Variants in RANBP3 observed in about 807,000 individuals in gnomAD.
RANBP3 encodes the protein RAN binding protein 3.
RANBP3 carries 14 observed loss-of-function variants against 77.3 expected under a neutral mutation model. The ratio of observed to expected loss-of-function variants is 0.18; its 90% CI spans 0.12 to 0.28. The LOEUF (loss-of-function observed/expected upper bound fraction) is 0.28, where lower values mean the gene tolerates loss of function less well. RANBP3 is among the 10% of genes least tolerant of loss of function. The pLI is 1.00. For missense variants in RANBP3, 586 were observed against 752.3 expected (o/e 0.78, Z 2.59); for synonymous variants, 315 against 312.4 (o/e 1.01, Z -0.09).
intron 3 of RANBP3, among the ~76,000 whole-genome samples, chr19:5,945,387 A>G (rs1003581631): frequency 5.3e-5 from 8 of 152,046 alleles, no homozygotes; most frequent in Non-Finnish European, 8.8e-5. Flanking sequence ...TTGATTTCCA[A>G]TTTTATCTCC....
chr19:5,942,712 A>C (rs191238618), intron 3 of RANBP3, among the ~76,000 whole-genome samples: 328 of 151,878 alleles, frequency 2.2e-3, no homozygotes, highest in African/African-American at 6.4e-3. Flanking sequence ...AAAAAAAAAA[A>C]AAAAAAAACA....
chr19:5,928,595 TGTGTGTATGTGTG>T (rs952199265), intron 8 of RANBP3, among the ~76,000 whole-genome samples: 16 of 151,934 alleles, frequency 1.1e-4, no homozygotes, highest in South Asian at 4.2e-4. Flanking sequence ...GGTGTGTGTG[TGTGTGTATGTGTG>T]GTGTGTATGT....
intron 12 of RANBP3, among the ~76,000 whole-genome samples, chr19:5,923,538 C>T (rs1206474358): frequency 6.6e-6 from 1 of 152,156 alleles, no homozygotes; most frequent in Non-Finnish European, 1.5e-5. Flanking sequence ...GTGTTCGTGC[C>T]GAGCAGTCGA....
chr19:5,962,788 C>T (rs1334919692), intron 1 of RANBP3: 1 of 455,694 alleles, frequency 2.2e-6, no homozygotes, highest in Non-Finnish European at 4.4e-6. Context: ...ATCAGCACGG[C>T]TATCGCAAAC....
chr19:5,924,154 A>C lies in RANBP3; in HGVS notation c.997-240T>G, dbSNP rs927688807. ...ACTGGTCACTCCGTCTGGGTGAGGC[A>C]AGACTTTGAACATTTCATTGAAATA... On this transcript the variant is annotated intron_variant, in intron 11 of 16. Transcript: ENST00000340578. This position sits in a 1 kb window ranked among gnomAD's most constrained non-coding sequence, Gnocchi z 4.7. Among the ~76,000 whole-genome samples the C allele has an allele frequency of 5.3e-5, 8 of 152,208 alleles. No individual in the cohort carries two copies. Among genetic ancestry groups the C allele is most frequent in the African/African-American group, 1.9e-4 (8 of 41,454 alleles).
intron 10 of RANBP3, chr19:5,925,296 G>T (rs546630923): frequency 4.2e-6 from 2 of 479,734 alleles, no homozygotes; most frequent in Admixed American, 3.4e-5. Flanking sequence ...ATAAGGGGGC[G>T]CCTGAGTCGC....
chr19:5,960,258 T>C (rs1382819693), intron 1 of RANBP3, among the ~76,000 whole-genome samples: 1 of 152,204 alleles, frequency 6.6e-6, no homozygotes, highest in Non-Finnish European at 1.5e-5. Context: ...GATTTTTGCT[T>C]AAGCCAGTTT....
At chr19:5,920,556 A>AT (rs746709238) in intron 14 of RANBP3, among the ~76,000 whole-genome samples, 10 of 151,430 alleles carry the variant, frequency 6.6e-5, no homozygotes, top group African/African-American at 1.2e-4. Context: ...AGTATATTTT[A>AT]TTTTTTTTTG....
intron 1 of RANBP3, among the ~76,000 whole-genome samples, chr19:5,966,900 A>G (rs544970578): frequency 7.2e-5 from 11 of 152,342 alleles, no homozygotes; most frequent in African/African-American, 2.4e-4. Context: ...CTTACCTGTG[A>G]AAAAAATATG....
intron 8 of RANBP3, among the ~76,000 whole-genome samples, 155 bp downstream of exon 8, chr19:5,931,249 C>T (rs2057986081): frequency 6.6e-6 from 1 of 152,218 alleles, no homozygotes; most frequent in Non-Finnish European, 1.5e-5. Flanking sequence ...TATTTAGAGC[C>T]TACTGAGCAA....
rs761854168 is a variant in RANBP3, at chr19:5,923,837, C to T, written c.1074G>A (p.Ser358=). ...CTTTCTCAGGGGTGGCCTCCTGGGACGAGGACTCAGACCCTGACTCGGCAG... is the reference window on the plus strand; with the variant it reads ...CTTTCTCAGGGGTGGCCTCCTGGGATGAGGACTCAGACCCTGACTCGGCAG... The part of the protein sequence containing the change: ...NAAAESGSES[S]SQEATPEKES... Residue 358 remains serine, a synonymous_variant, in exon 12 of 17, where the codon TCG becomes TCA. Transcript: ENST00000340578. 13 of 1,613,868 alleles carry T rather than the reference C, an allele frequency of 8.1e-6. 1 individual carries two copies. In the African/African-American group the frequency reaches 1.2e-4, roughly 15 times the overall value.
At chr19:5,974,687 G>C (rs996205782) in intron 1 of RANBP3, among the ~76,000 whole-genome samples, 5 of 152,202 alleles carry the variant, frequency 3.3e-5, no homozygotes, top group African/African-American at 1.2e-4. Context: ...TATACAAGCA[G>C]AGGACACCTA....
chr19:5,948,784 C>T (rs993848298), intron 3 of RANBP3, among the ~76,000 whole-genome samples: 2 of 152,070 alleles, frequency 1.3e-5, no homozygotes, highest in Non-Finnish European at 2.9e-5. Context: ...CCTTAAGCTC[C>T]CTGGTGGGTC....
rs1269870056 is a variant in RANBP3 at position 5,921,163 on chromosome 19, T to A, written c.1330+38A>T. 1.9e-6 allele frequency: 3 copies of A among 1,594,012 alleles called. No homozygotes were observed. Among genetic ancestry groups the A allele is most frequent in the Non-Finnish European group, 2.6e-6 (3 of 1,171,594 alleles). On this transcript the variant is annotated intron_variant, in intron 14 of 16. Coordinates refer to ENST00000340578, the MANE Select transcript of RANBP3 (RefSeq NM_007322.3). This position sits in a 1 kb window ranked among gnomAD's most constrained non-coding sequence, Gnocchi z 5.3. ...ATTGCATAGTCCCCAGCCCTCCCCA[T>A]GGGGACCCGGCCACAGCCCCCGCCG... is the stretch of plus-strand genomic sequence containing the variant.
Position 5,924,227 on chromosome 19 carries a change from A to T in RANBP3, c.997-313T>A, listed in dbSNP as rs1178166090. On this transcript the variant is annotated intron_variant, in intron 11 of 16. Transcript: ENST00000340578. The surrounding 1 kb of genome is among the most constrained non-coding windows in gnomAD (Gnocchi z 4.7). ...AAGGAAGAGAAGCTGCAGAGTACTT[A>T]ATGCAGCCTAACTCCAGACAGAGCT... Among the ~76,000 whole-genome samples, 1 of 152,218 alleles carries T rather than the reference A, an allele frequency of 6.6e-6. No individual in the cohort carries two copies. The highest frequency in any genetic ancestry group is 1.5e-5 in the Non-Finnish European group (1 of 68,046).
intron 14 of RANBP3, among the ~76,000 whole-genome samples, chr19:5,920,015 A>G (rs1300896206): frequency 6.6e-6 from 1 of 152,084 alleles, no homozygotes; most frequent in African/African-American, 2.4e-5. Context: ...CATGAACACT[A>G]CCCTTCAAGG....
intron 3 of RANBP3, among the ~76,000 whole-genome samples, chr19:5,946,808 A>C (rs2058210750): frequency 1.3e-5 from 2 of 152,212 alleles, no homozygotes; most frequent in African/African-American, 4.8e-5. Context: ...TAAGCCACCC[A>C]GCCCTGCACA....
intron 14 of RANBP3, among the ~76,000 whole-genome samples, chr19:5,919,882 C>T (rs905095341): frequency 7.7e-6 from 1 of 129,198 alleles, no homozygotes; most frequent in Non-Finnish European, 1.6e-5. Flanking sequence ...GACTGGGCAA[C>T]AAGGGCAAAA....
intron 15 of RANBP3, 68 bp downstream of exon 15, chr19:5,918,428 T>C (rs1430426550): frequency 1.4e-5 from 9 of 636,720 alleles, no homozygotes; most frequent in Non-Finnish European, 2.2e-5. Flanking sequence ...GCCTGATCTG[T>C]GTGCCCAGGA....
Sources: allele counts gnomAD v4.1 joint callset (sites outside exome capture counted in the v4.1 genomes callset), GRCh38; gene constraint gnomAD v4.1.1; non-coding constraint Gnocchi (gnomAD v3.1); transcripts MANE v1.5; gene names NCBI Gene and HGNC (gene_info 2026-07-23, HGNC 2026-07-21).